The following ASIC2 variants were observed in gnomAD, a reference collection of about 807,000 sequenced individuals.
ASIC2 encodes the protein acid sensing ion channel subunit 2.
A neutral mutation model predicts 57.3 loss-of-function variants in ASIC2; 25 were observed. The ratio of observed to expected loss-of-function variants is 0.44; its 90% CI spans 0.32 to 0.61. ASIC2 has a LOEUF of 0.61. ASIC2 is among the 20% of genes least tolerant of loss of function. ASIC2 has a pLI of 0.06. For synonymous variants in ASIC2, 319 were observed against 307.5 expected (o/e 1.04, Z -0.39); for missense variants, 641 against 738.1 (o/e 0.87, Z 1.52).
chr17:33,632,498 T>C lies in ASIC2; in HGVS notation c.556-520431A>G, dbSNP rs138276839. 8.3e-3 allele frequency among the ~76,000 whole-genome samples: 1,259 copies of C among 152,224 alleles called. 8 individuals are homozygous for C. The highest frequency in any genetic ancestry group is 0.028 in the African/African-American group (1,144 of 41,526). ...TTGTAGGCCAGTCAGAAGATCGTAC[T>C]CCACCCCTACCCCCAACCCTTGACC... On this transcript the variant is annotated intron_variant, in intron 1 of 9. Transcript: ENST00000359872.
intron 1 of ASIC2, among the ~76,000 whole-genome samples, chr17:33,788,672 T>C (rs9891368): frequency 0.043 from 6,496 of 152,160 alleles, 322 homozygotes; most frequent in African/African-American, 0.13. Context: ...CGACGATAGA[T>C]TGGATAAAGA....
intron 1 of ASIC2, among the ~76,000 whole-genome samples, chr17:33,633,900 C>T (rs1441789876): frequency 6.6e-6 from 1 of 152,218 alleles, no homozygotes; most frequent in Non-Finnish European, 1.5e-5. Context: ...CTAAGCCCAT[C>T]TTCTGTGCAA....
At chr17:33,646,177 A>C (rs1257340454) in intron 1 of ASIC2, among the ~76,000 whole-genome samples, 1 of 152,206 alleles carries the variant, frequency 6.6e-6, no homozygotes, top group Non-Finnish European at 1.5e-5. Flanking sequence ...TCTTCTGACC[A>C]TGAACAAACA....
chr17:33,956,599 C>G (rs568283685), intron 1 of ASIC2, among the ~76,000 whole-genome samples: 1 of 152,210 alleles, frequency 6.6e-6, no homozygotes, highest in Admixed American at 6.5e-5. Context: ...TTAAAACTCA[C>G]GTCACCAGGG....
intron 1 of ASIC2, among the ~76,000 whole-genome samples, chr17:33,335,142 C>T (rs1410425927): frequency 6.6e-6 from 1 of 152,132 alleles, no homozygotes; most frequent in African/African-American, 2.4e-5. Flanking sequence ...AATAGAAATG[C>T]AAGCAGTTAG....
intron 1 of ASIC2, among the ~76,000 whole-genome samples, chr17:33,535,128 A>G (rs1247085388): frequency 2.6e-5 from 4 of 152,222 alleles, no homozygotes; most frequent in Non-Finnish European, 2.9e-5. Flanking sequence ...CCATCCATCA[A>G]GGATTCCTGC....
intron 1 of ASIC2, chr17:34,069,568 A>G (rs1307657757): frequency 6.6e-6 from 1 of 152,170 alleles, no homozygotes; most frequent in East Asian, 1.9e-4. Flanking sequence ...TGAGCTACTG[A>G]GCTTGCCCTT....
At position 33,416,593 on chromosome 17, in the gene ASIC2, GC is replaced by G. The variant is rs568607854; in HGVS notation, c.556-304527del. Among the ~76,000 whole-genome samples the G allele has an allele frequency of 5.4e-3, 816 of 152,318 alleles. 10 individuals carry two copies. Among genetic ancestry groups the G allele is most frequent in the African/African-American group, 0.019 (781 of 41,582 alleles). The stretch of plus-strand genomic sequence containing the variant: ...GTGCTTGTCTGTGCACCCACTGGGC[GC>G]CCACAGTGGCAGCTGAGGGAGGATG... On this transcript the variant is annotated intron_variant, in intron 1 of 9. Transcript: ENST00000359872.
At chr17:33,250,153 A>G (rs1908830464) in intron 1 of ASIC2, among the ~76,000 whole-genome samples, 1 of 152,202 alleles carries the variant, frequency 6.6e-6, no homozygotes, top group African/African-American at 2.4e-5. Context: ...CTTGCTTCCT[A>G]GGAAAGTAAT....
intron 1 of ASIC2, chr17:33,794,809 T>A (rs537901728): frequency 6.6e-6 from 1 of 152,216 alleles, no homozygotes; most frequent in Non-Finnish European, 1.5e-5. Context: ...CAGCCTTTTA[T>A]GATCGAGATC....
At chr17:33,206,415 C>G (rs971206194) in intron 1 of ASIC2, among the ~76,000 whole-genome samples, 3 of 152,050 alleles carry the variant, frequency 2.0e-5, no homozygotes, top group Admixed American at 1.3e-4. Context: ...GGGGAGGAAA[C>G]CAAGATCCAG....
intron 1 of ASIC2, among the ~76,000 whole-genome samples, chr17:33,306,683 C>T (rs1363800068): frequency 6.6e-6 from 1 of 152,140 alleles, no homozygotes; most frequent in East Asian, 1.9e-4. Context: ...CTAGAGCTTA[C>T]TCTGTTATTA....
chr17:33,436,850 CTTCTT>C (rs576470502), intron 1 of ASIC2, among the ~76,000 whole-genome samples: 1,782 of 75,946 alleles, frequency 0.023, 213 homozygotes, highest in Admixed American at 0.1. Flanking sequence ...CACATTCCAA[CTTCTT>C]TTTTTTTTTT....
chr17:34,129,789 T>A (rs1000665397), intron 1 of ASIC2, among the ~76,000 whole-genome samples: 1 of 152,236 alleles, frequency 6.6e-6, no homozygotes, highest in Non-Finnish European at 1.5e-5. Context: ...CCAATCTTCT[T>A]GGATCCCCAG....
chr17:33,021,875 G>T (rs544686047), intron 6 of ASIC2, among the ~76,000 whole-genome samples: 1 of 152,234 alleles, frequency 6.6e-6, no homozygotes, highest in South Asian at 2.1e-4. Context: ...GAAGCACCGC[G>T]GCTTGCTTTG....
intron 1 of ASIC2, among the ~76,000 whole-genome samples, chr17:33,790,808 C>A (rs2142136261): frequency 6.6e-6 from 1 of 152,254 alleles, no homozygotes; most frequent in South Asian, 2.1e-4. Flanking sequence ...ACAACAATAA[C>A]AATATTAGAA....
At chr17:33,821,476 T>C (rs1005610127) in intron 1 of ASIC2, among the ~76,000 whole-genome samples, 3 of 152,130 alleles carry the variant, frequency 2.0e-5, no homozygotes, top group African/African-American at 7.2e-5. Context: ...GGCTGCAGTG[T>C]CCAGAAAGGC....
intron 1 of ASIC2, among the ~76,000 whole-genome samples, chr17:33,790,325 A>G (rs879586595): frequency 1.2e-4 from 18 of 152,198 alleles, no homozygotes; most frequent in Admixed American, 5.2e-4. Flanking sequence ...TCATATTTCT[A>G]TTCACTCTCT....
chr17:34,065,941 T>C (rs574465439), intron 1 of ASIC2, among the ~76,000 whole-genome samples: 1 of 152,096 alleles, frequency 6.6e-6, no homozygotes, highest in East Asian at 1.9e-4. Context: ...ACTTATTTAA[T>C]CCACCAACAC....
Sources: allele counts gnomAD v4.1 joint callset (sites outside exome capture counted in the v4.1 genomes callset), GRCh38; gene constraint gnomAD v4.1.1; transcripts MANE v1.5; gene names NCBI Gene and HGNC (gene_info 2026-07-23, HGNC 2026-07-21).